The following GABRB1 variants were observed in gnomAD, a reference collection of about 807,000 sequenced individuals.
GABRB1 encodes the protein gamma-aminobutyric acid receptor subunit beta-1.
A neutral mutation model predicts 51.6 loss-of-function variants in GABRB1; 17 were observed. That is an observed-to-expected ratio of 0.33 (90% CI 0.23 to 0.49). GABRB1 has a LOEUF of 0.49. Among genes scored for constraint, GABRB1 ranks in the 20% least tolerant of loss-of-function variants. GABRB1 has a pLI of 0.99. For missense variants in GABRB1, 410 were observed against 600.6 expected (o/e 0.68, Z 3.32); for synonymous variants, 247 against 218.9 (o/e 1.13, Z -1.14).
chr4:47,032,070 T>C, intron 2 of GABRB1, 65 bp downstream of exon 2: 1 of 935,502 alleles, frequency 1.1e-6, no homozygotes, highest in Non-Finnish European at 1.5e-6. Context: ...CAAAGATAAA[T>C]GTCAAAAAAA....
At position 47,163,869 on chromosome 4, in the gene GABRB1, C is replaced by A. The variant is rs541597519; in HGVS notation, c.461+2400C>A. Among the ~76,000 whole-genome samples the A allele has an allele frequency of 1.3e-4, 20 of 152,048 alleles. 1 individual carries two copies. The South Asian group carries it at 3.7e-3, about 28-fold the overall frequency. On this transcript the variant is annotated intron_variant, in intron 4 of 8. Transcript: ENST00000295454. ...TTCCTAAATTTCCTACTGTATTAGT[C>A]TGTTTTCATATTGCTATAAAGATGC...
rs781413542 is a variant in GABRB1, at chr4:47,425,778, C to T, written c.1185C>T (p.Tyr395=). The T allele has an allele frequency of 1.9e-6, 3 of 1,614,100 alleles. No homozygotes were observed. The highest frequency in any genetic ancestry group is 1.1e-5 in the South Asian group (1 of 91,092). The change falls in exon 9 of 9, where the codon TAC becomes TAT. Residue 395 remains tyrosine, a synonymous_variant. Coordinates refer to ENST00000295454, the MANE Select transcript of GABRB1 (RefSeq NM_000812.4). ...TGAGCGACCCCAAGGCCACCATGTA[C>T]TCCTATGACAGCGCCAGCATCCAGT... is the stretch of plus-strand genomic sequence containing the variant. ...TSVSDPKATM[Y]SYDSASIQYR...
rs116559240 is a variant in GABRB1, at chr4:47,400,012, G to A, written c.545-3306G>A. Among the ~76,000 whole-genome samples the A allele has an allele frequency of 7.2e-3, 1,101 of 152,032 alleles. 16 individuals are homozygous for A. The highest frequency in any genetic ancestry group is 0.026 in the African/African-American group (1,070 of 41,456). Reference sequence around the variant, plus strand: ...TTCTTTTTGTTTATTATGGCTCCTCGTCTATATAACTCCCTTCTTTCAGGA... The same window carrying A: ...TTCTTTTTGTTTATTATGGCTCCTCATCTATATAACTCCCTTCTTTCAGGA... On this transcript the variant is annotated intron_variant, in intron 5 of 8. Transcript: ENST00000295454.
At chr4:47,165,387 G>A (rs1560566961) in intron 4 of GABRB1, among the ~76,000 whole-genome samples, 1 of 151,848 alleles carries the variant, frequency 6.6e-6, no homozygotes, top group East Asian at 1.9e-4. Context: ...CACAGCTTTG[G>A]TTTCTTCTAC....
chr4:47,299,458 A>G (rs1724154037), intron 4 of GABRB1, among the ~76,000 whole-genome samples: 1 of 152,192 alleles, frequency 6.6e-6, no homozygotes, highest in Non-Finnish European at 1.5e-5. Flanking sequence ...TCAAAAGAAG[A>G]CATTTATGCA....
chr4:47,401,860 T>C (rs966985061), intron 5 of GABRB1, among the ~76,000 whole-genome samples: 1 of 131,910 alleles, frequency 7.6e-6, no homozygotes, highest in Non-Finnish European at 1.7e-5. Context: ...TCTATCTATC[T>C]ATCTATCATC....
At chr4:47,001,309 A>AT (rs1289006718) in intron 1 of GABRB1, among the ~76,000 whole-genome samples, 14 of 151,706 alleles carry the variant, frequency 9.2e-5, no homozygotes, top group East Asian at 3.9e-4. Flanking sequence ...CGCCCAGCTA[A>AT]TTTTTTGTAT....
intron 4 of GABRB1, among the ~76,000 whole-genome samples, chr4:47,298,644 G>A (rs920519268): frequency 7.9e-5 from 12 of 152,136 alleles, no homozygotes; most frequent in South Asian, 2.1e-4. Context: ...AATCAATATC[G>A]TAAAAATGGC....
intron 7 of GABRB1, among the ~76,000 whole-genome samples, chr4:47,403,942 T>C (rs556066415): frequency 1.8e-4 from 27 of 152,354 alleles, no homozygotes; most frequent in African/African-American, 6.5e-4. Context: ...TTGGAATATA[T>C]CTAGCACTAC....
intron 4 of GABRB1, among the ~76,000 whole-genome samples, chr4:47,192,121 C>T (rs1719462669): frequency 6.6e-6 from 1 of 151,960 alleles, no homozygotes; most frequent in Non-Finnish European, 1.5e-5. Flanking sequence ...CCTTACCATG[C>T]TAGAATCCAC....
intron 4 of GABRB1, among the ~76,000 whole-genome samples, chr4:47,281,181 C>T (rs1189812948): frequency 1.3e-5 from 2 of 151,984 alleles, no homozygotes; most frequent in African/African-American, 2.4e-5. Flanking sequence ...ATATAAAGAA[C>T]TCAAATAGCA....
intron 5 of GABRB1, among the ~76,000 whole-genome samples, chr4:47,375,138 A>G (rs4695225): frequency 1.5e-3 from 224 of 152,380 alleles, no homozygotes; most frequent in African/African-American, 5.1e-3. Flanking sequence ...TTTCCAGAAT[A>G]TCAATGAACT....
At chr4:47,215,197 T>C (rs553769321) in intron 4 of GABRB1, among the ~76,000 whole-genome samples, 10 of 152,244 alleles carry the variant, frequency 6.6e-5, no homozygotes, top group Middle Eastern at 3.4e-3. Flanking sequence ...TGCTATTTAT[T>C]ACAAAATAAA....
At chr4:47,099,102 C>A (rs193250600) in intron 3 of GABRB1, among the ~76,000 whole-genome samples, 1 of 152,076 alleles carries the variant, frequency 6.6e-6, no homozygotes, top group African/African-American at 2.4e-5. Flanking sequence ...TGTGAAGATA[C>A]ATCCATGGTA....
At chr4:47,216,012 G>A (rs1451447160) in intron 4 of GABRB1, among the ~76,000 whole-genome samples, 1 of 152,026 alleles carries the variant, frequency 6.6e-6, no homozygotes, top group African/African-American at 2.4e-5. Flanking sequence ...GGGCCTGTTA[G>A]TGACAGATGG....
chr4:47,387,620 C>A (rs16860188), intron 5 of GABRB1, among the ~76,000 whole-genome samples: 34 of 152,240 alleles, frequency 2.2e-4, no homozygotes, highest in African/African-American at 7.7e-4. Flanking sequence ...GTGGAAAAAG[C>A]GAATTTGAAC....
At chr4:47,123,757 T>C (rs1311681629) in intron 3 of GABRB1, among the ~76,000 whole-genome samples, 1 of 85,518 alleles carries the variant, frequency 1.2e-5, no homozygotes, top group Non-Finnish European at 2.1e-5. Flanking sequence ...TATAATATAT[T>C]ATAATATATT....
chr4:47,142,793 G>A (rs1716989634), intron 3 of GABRB1, among the ~76,000 whole-genome samples: 1 of 151,978 alleles, frequency 6.6e-6, no homozygotes, highest in South Asian at 2.1e-4. Context: ...GATCAAGGAA[G>A]ATACCCAAGT....
At chr4:47,061,216 G>T (rs905950483) in intron 3 of GABRB1, among the ~76,000 whole-genome samples, 2 of 152,132 alleles carry the variant, frequency 1.3e-5, no homozygotes, top group South Asian at 4.1e-4. Context: ...TCTGTAAAAA[G>T]TGACTTTTTT....
Sources: allele counts gnomAD v4.1 joint callset (sites outside exome capture counted in the v4.1 genomes callset), GRCh38; gene constraint gnomAD v4.1.1; transcripts MANE v1.5; gene names NCBI Gene and HGNC (gene_info 2026-07-23, HGNC 2026-07-21).